The following TCTN3 variants were observed in gnomAD, a reference collection of about 807,000 sequenced individuals.
The protein encoded by TCTN3 is tectonic-3.
In TCTN3, 57 loss-of-function variants were observed where a neutral mutation model predicts 71.3. That is an observed-to-expected ratio of 0.80 (90% CI 0.65 to 1.00). The LOEUF (loss-of-function observed/expected upper bound fraction) is 1.00, where lower values mean the gene tolerates loss of function less well. TCTN3 is among the 50% of genes least tolerant of loss of function. The pLI, the probability that TCTN3 is intolerant of heterozygous loss-of-function variation, is 0.00. For synonymous variants in TCTN3, 258 were observed against 267.8 expected, an observed-to-expected ratio of 0.96 and a Z score of 0.36; for missense variants, 696 against 719.9, an observed-to-expected ratio of 0.97 and a Z score of 0.38.
chr10:95,681,129 A>C (rs1378081636), intron 12 of TCTN3, among the ~76,000 whole-genome samples: 1 of 146,656 alleles, frequency 6.8e-6, no homozygotes, highest in Non-Finnish European at 1.5e-5. Flanking sequence ...AGGCTGGAGT[A>C]CAGTGGTGTG....
At position 95,693,162 on chromosome 10, in the gene TCTN3, C is replaced by G. The variant is rs957284580; in HGVS notation, c.381-124G>C. On this transcript the variant is annotated intron_variant, in intron 2 of 13. Transcript: ENST00000371217. The stretch of plus-strand genomic sequence containing the variant: ...CTCCTTGGGCACCTATAGGACGACA[C>G]GAAGGTCTTATTCTACTGGCCAGCC... 4.2e-6 allele frequency: 5 copies of G among 1,193,730 alleles called. No individual in the cohort carries two copies. The African/African-American group carries it at 7.6e-5, about 18-fold the overall frequency. 73.9% of individuals were successfully genotyped at this position (1,193,730 alleles called of 1,614,324 possible).
chr10:95,664,201 A>G lies in TCTN3; in HGVS notation c.1690T>C (p.Trp564Arg), dbSNP rs765859298. The change falls in exon 14 of 14, where the codon TGG (tryptophan) becomes CGG (arginine). Residue 564 changes from tryptophan to arginine, a missense_variant. By Grantham distance (101) the Trp-to-Arg change is moderately radical. Transcript: ENST00000371217. ...QPPRGQPKMD[W>R]KWPFDFFPFK... ...GGAAAGAAGTCGAATGGCCATTTCC[A>G]GTCCATTTTGGGTTGGCCCCTTGGA... 1.2e-5 allele frequency: 20 copies of G among 1,614,092 alleles called. No individual in the cohort carries two copies. The highest frequency in any genetic ancestry group is 1.6e-5 in the Non-Finnish European group (19 of 1,180,048).
rs778822758 is a variant in TCTN3 at position 95,683,583 on chromosome 10, C to A, written c.1142G>T (p.Gly381Val). The part of the protein sequence containing the change: ...TAASLTSPRS[G>V]NPGYIVGKPL... The stretch of plus-strand genomic sequence containing the variant: ...CTTCCCAACTATATAGCCAGGATTC[C>A]CACTTCTAGGACTGGTGAGAGAAGC... The change falls in exon 10 of 14, where the codon GGG becomes GTG. Residue 381 changes from glycine to valine, a missense_variant. Transcript: ENST00000371217. 1.9e-6 allele frequency: 3 copies of A among 1,614,102 alleles called. No individual in the cohort carries two copies. In the Admixed American group the frequency reaches 5.0e-5, roughly 27 times the overall value.
rs189308083 is a variant in TCTN3, at chr10:95,668,647, C to T, written c.1591-4347G>A. Among the ~76,000 whole-genome samples the T allele has an allele frequency of 8.0e-3, 1,215 of 152,100 alleles. 13 individuals carry two copies. Among genetic ancestry groups the T allele is most frequent in the African/African-American group, 0.028 (1,163 of 41,490 alleles). On this transcript the variant is annotated intron_variant, in intron 13 of 13. Transcript: ENST00000371217. ...AAAAAATACTTTACATGCATCTTCC[C>T]CCCCCAAATTATTAGACTCTAAGCT...
At chr10:95,667,583 A>G (rs1201831338) in intron 13 of TCTN3, among the ~76,000 whole-genome samples, 1 of 152,226 alleles carries the variant, frequency 6.6e-6, no homozygotes, top group Non-Finnish European at 1.5e-5. Flanking sequence ...CCCCTCAACA[A>G]GAGACTAAAC....
chr10:95,673,648 T>C (rs1352328485), intron 13 of TCTN3, among the ~76,000 whole-genome samples: 3 of 151,964 alleles, frequency 2.0e-5, no homozygotes, highest in Non-Finnish European at 4.4e-5. Flanking sequence ...TTTGAGACCA[T>C]CCTGGGCAAC....
chr10:95,693,143 G>T, intron 2 of TCTN3, 105 bp from the exon 3 acceptor site: 2 of 1,181,474 alleles, frequency 1.7e-6, no homozygotes, highest in Non-Finnish European at 2.4e-6. Context: ...AGGACTCCTT[G>T]GGCACCTATA....
chr10:95,690,931 G>A (rs1043047324), intron 3 of TCTN3, among the ~76,000 whole-genome samples: 10 of 152,076 alleles, frequency 6.6e-5, no homozygotes, highest in Non-Finnish European at 8.8e-5. Flanking sequence ...CCCCACCCTC[G>A]TTCAGGAAAA....
intron 13 of TCTN3, among the ~76,000 whole-genome samples, chr10:95,674,398 G>A (rs984948804): frequency 2.0e-5 from 3 of 151,816 alleles, no homozygotes; most frequent in African/African-American, 7.3e-5. Flanking sequence ...TAAAGTTAAA[G>A]AATATAAATA....
Position 95,684,622 on chromosome 10 carries a change from G to T in TCTN3, c.972C>A (p.Val324=). The change falls in exon 9 of 14, where the codon GTC becomes GTA. Residue 324 remains valine, a splice_region_variant and synonymous_variant. Transcript: ENST00000371217. The part of the protein sequence containing the change: ...GNTCQNVVSQ[V]TYEIETNGTF... ...TCCCATTGGTCTCTATCTCATAGGT[G>T]ACCTGAAATGCAAAAAGAATCAATT... is the stretch of plus-strand genomic sequence containing the variant. 1 of 1,612,830 alleles carries T rather than the reference G, an allele frequency of 6.2e-7. No individual in the cohort carries two copies. The highest frequency in any genetic ancestry group is 1.1e-5 in the South Asian group (1 of 90,824).
chr10:95,684,448 T>C lies in TCTN3; in HGVS notation c.1095+51A>G, dbSNP rs746998745. 11 of 1,586,990 alleles carry C rather than the reference T, an allele frequency of 6.9e-6. No homozygotes were observed. The Admixed American group carries it at 1.7e-4, about 24-fold the overall frequency. On this transcript the variant is annotated intron_variant, in intron 9 of 13. Coordinates refer to ENST00000371217, the MANE Select transcript of TCTN3 (RefSeq NM_015631.6). The stretch of plus-strand genomic sequence containing the variant: ...ATTACAGAAGCAAAGAAATTATTTC[T>C]AACCCAATATTTCTTCCCCTCTAAA...
chr10:95,675,518 A>T (rs1444421387), intron 13 of TCTN3, among the ~76,000 whole-genome samples: 1 of 152,238 alleles, frequency 6.6e-6, no homozygotes, highest in African/African-American at 2.4e-5. Flanking sequence ...AATGCTAGCT[A>T]TTAGGAAACC....
chr10:95,691,172 C>A (rs2097953171), intron 3 of TCTN3, among the ~76,000 whole-genome samples: 1 of 152,086 alleles, frequency 6.6e-6, no homozygotes, highest in Admixed American at 6.5e-5. Context: ...AAAGAAGAGA[C>A]AACTTTCTTT....
At chr10:95,690,552 A>G (rs938746192) in intron 3 of TCTN3, among the ~76,000 whole-genome samples, 7 of 152,212 alleles carry the variant, frequency 4.6e-5, no homozygotes, top group African/African-American at 1.7e-4. Context: ...CAGAAAGAAA[A>G]GCAAATACAA....
In TCTN3 at chr10:95,687,141, C is replaced by G; in HGVS notation, c.755G>C (p.Ser252Thr). 1 of 1,614,102 alleles carries G rather than the reference C, an allele frequency of 6.2e-7. No individual in the cohort carries two copies. The highest frequency in any genetic ancestry group is 8.5e-7 in the Non-Finnish European group (1 of 1,179,962). Residue 252 changes from serine to threonine, a missense_variant, in exon 6 of 14, where the codon AGT becomes ACT. Coordinates refer to ENST00000371217, the MANE Select transcript of TCTN3 (RefSeq NM_015631.6). Reference sequence around the variant, plus strand: ...CTTGAAAAAACGAGTGCAAGTTGTACTTTTACTCTCTAGGAAACCTTAAAC... The same window carrying G: ...CTTGAAAAAACGAGTGCAAGTTGTAGTTTTACTCTCTAGGAAACCTTAAAC... ...SNPAGFLESK[S>T]TTCTRFFKNL...
chr10:95,667,983 A>G (rs112327107), intron 13 of TCTN3, among the ~76,000 whole-genome samples: 1,536 of 152,136 alleles, frequency 0.01, 24 homozygotes, highest in African/African-American at 0.034. Context: ...AGAATAAACA[A>G]CTCTGAGGAA....
At position 95,685,537 on chromosome 10, in the gene TCTN3, C is replaced by G; in HGVS notation, c.969+19G>C. The G allele has an allele frequency of 9.1e-6, 14 of 1,543,148 alleles. No homozygotes were observed. The highest frequency in any genetic ancestry group is 1.2e-5 in the Non-Finnish European group (14 of 1,139,432). On this transcript the variant is annotated intron_variant, in intron 8 of 13. Coordinates refer to ENST00000371217, the MANE Select transcript of TCTN3 (RefSeq NM_015631.6). Reference sequence around the variant, plus strand: ...TGATTAACACACATCAGTCCAGAATCTGAGGTCAGTATCCCTACCTGAGAA... The same window carrying G: ...TGATTAACACACATCAGTCCAGAATGTGAGGTCAGTATCCCTACCTGAGAA...
At chr10:95,691,445 G>A (rs758949205) in intron 3 of TCTN3, among the ~76,000 whole-genome samples, 1 of 152,118 alleles carries the variant, frequency 6.6e-6, no homozygotes, top group Non-Finnish European at 1.5e-5. Flanking sequence ...GAGCCACCGC[G>A]TCAGGCCACA....
Position 95,693,689 on chromosome 10 carries a change from C to T in TCTN3, c.211G>A (p.Val71Met), listed in dbSNP as rs138495428. ...CTATTCCCAGGGGCCGAGGGAGTCA[C>T]GAGAGTAGGGACCACTGTAGGGAGT... ...PGLPTVVPTL[V>M]TPSAPGNRTV... The change falls in exon 1 of 14, where the codon GTG (valine) becomes ATG (methionine). Residue 71 changes from valine to methionine, a missense_variant. By Grantham distance (21) the Val-to-Met change is conservative (BLOSUM62 1). Coordinates refer to ENST00000371217, the MANE Select transcript of TCTN3 (RefSeq NM_015631.6). 3.2e-6 allele frequency: 5 copies of T among 1,551,564 alleles called. No homozygotes were observed. The highest frequency in any genetic ancestry group is 4.4e-6 in the Non-Finnish European group (5 of 1,147,012).
Sources: allele counts gnomAD v4.1 joint callset (sites outside exome capture counted in the v4.1 genomes callset), GRCh38; gene constraint gnomAD v4.1.1; transcripts MANE v1.5; gene names NCBI Gene and HGNC (gene_info 2026-07-23, HGNC 2026-07-21).